LUZP2: variants seen among roughly 807,000 people sequenced by gnomAD.
The protein encoded by LUZP2 is leucine zipper protein 2.
A neutral mutation model predicts 51.6 loss-of-function variants in LUZP2; 52 were observed. The observed-to-expected ratio is 1.01, with a 90% CI of 0.81 to 1.27. LUZP2 has a LOEUF of 1.27. LUZP2 is among the 50% of genes most tolerant of loss of function. The probability of loss-of-function intolerance (pLI) is 0.00; values close to 1 mark genes in which losing one functional copy is unlikely to be tolerated. For missense variants in LUZP2, 436 were observed against 395.4 expected (o/e 1.10, Z -0.87); for synonymous variants, 154 against 137.3 (o/e 1.12, Z -0.85).
At chr11:24,784,214 A>C (rs1849174047) in intron 5 of LUZP2, among the ~76,000 whole-genome samples, 1 of 152,000 alleles carries the variant, frequency 6.6e-6, no homozygotes, top group Non-Finnish European at 1.5e-5. Flanking sequence ...AATGAAAATA[A>C]AATTTATCTT....
intron 5 of LUZP2, among the ~76,000 whole-genome samples, chr11:24,777,250 C>G (rs1335653691): frequency 6.6e-6 from 1 of 152,074 alleles, no homozygotes; most frequent in African/African-American, 2.4e-5. Context: ...GCCTCGGCCT[C>G]CCAAAGTGCT....
Position 24,622,425 on chromosome 11 carries a change from G to C in LUZP2, c.63-106744G>C, listed in dbSNP as rs372596865. ...TCACCATGTTTCCTAGGCTGATCTC[G>C]AATTTCAGAGCTCAAGCAGCCTGCT... On this transcript the variant is annotated intron_variant, in intron 1 of 11. Transcript: ENST00000336930. Among the ~76,000 whole-genome samples the C allele has an allele frequency of 1.8e-4, 27 of 152,014 alleles. No homozygotes were observed. In the South Asian group the frequency reaches 5.0e-3, roughly 28 times the overall value.
chr11:24,845,809 G>A (rs1851181499), intron 5 of LUZP2, among the ~76,000 whole-genome samples: 1 of 152,056 alleles, frequency 6.6e-6, no homozygotes, highest in Admixed American at 6.6e-5. Context: ...CTTTCACCAT[G>A]ATTGTGAGAC....
At chr11:24,801,689 T>C (rs1417287893) in intron 5 of LUZP2, among the ~76,000 whole-genome samples, 1 of 151,696 alleles carries the variant, frequency 6.6e-6, no homozygotes, top group Non-Finnish European at 1.5e-5. Flanking sequence ...ATTCTAATAG[T>C]ATTATCATTT....
chr11:24,960,779 C>T (rs1365188599), intron 7 of LUZP2, among the ~76,000 whole-genome samples: 2 of 151,874 alleles, frequency 1.3e-5, no homozygotes, highest in Non-Finnish European at 1.5e-5. Flanking sequence ...TATTTCTTGC[C>T]TTCTGCTAGC....
chr11:24,564,461 C>CA (rs1564993488), intron 1 of LUZP2, among the ~76,000 whole-genome samples: 1 of 152,028 alleles, frequency 6.6e-6, no homozygotes, highest in Admixed American at 6.6e-5. Context: ...TAAGATAATG[C>CA]AAAAATAATC....
intron 1 of LUZP2, among the ~76,000 whole-genome samples, chr11:24,662,130 A>G (rs534417790): frequency 1.3e-5 from 2 of 152,172 alleles, no homozygotes; most frequent in Non-Finnish European, 2.9e-5. Context: ...GAAAATTAGA[A>G]CAATATGTGA....
rs948498084 is a variant in LUZP2, at chr11:24,977,341, A to G, written c.597+676A>G. On this transcript the variant is annotated intron_variant, in intron 8 of 11. Coordinates refer to ENST00000336930, the MANE Select transcript of LUZP2 (RefSeq NM_001009909.4). ...AGCAGAATTATATGTATAATATTTA[A>G]CAGTTGTTTAAATACACAAAACACA... 2.6e-5 allele frequency among the ~76,000 whole-genome samples: 4 copies of G among 151,708 alleles called. No homozygotes were observed. The Admixed American group carries it at 2.6e-4, about 10-fold the overall frequency.
intron 7 of LUZP2, among the ~76,000 whole-genome samples, chr11:24,964,138 A>C (rs1423987025): frequency 6.6e-6 from 1 of 152,170 alleles, no homozygotes; most frequent in African/African-American, 2.4e-5. Context: ...GTGTGCCAGG[A>C]TTCCCTTTTC....
chr11:24,643,393 TGAGACTG>T (rs1410958713), intron 1 of LUZP2, among the ~76,000 whole-genome samples: 1 of 151,940 alleles, frequency 6.6e-6, no homozygotes, highest in East Asian at 1.9e-4. Context: ...CATGGCTGAT[TGAGACTG>T]GAGAAAGCAA....
intron 5 of LUZP2, among the ~76,000 whole-genome samples, chr11:24,783,830 G>A (rs1231514381): frequency 6.6e-6 from 1 of 151,938 alleles, no homozygotes; most frequent in African/African-American, 2.4e-5. Flanking sequence ...AGTAGTGCAT[G>A]ATACATAGTA....
At chr11:24,742,754 T>C (rs2631426) in intron 4 of LUZP2, among the ~76,000 whole-genome samples, 90,732 of 151,944 alleles carry the variant, frequency 0.6, 27,660 homozygotes, top group African/African-American at 0.71. Flanking sequence ...GGTTCTTTGT[T>C]ATGAGAGCCT....
intron 1 of LUZP2, among the ~76,000 whole-genome samples, chr11:24,707,964 G>C (rs113841285): frequency 0.11 from 16,069 of 152,062 alleles, 904 homozygotes; most frequent in South Asian, 0.14. Context: ...CCATTGGCTA[G>C]GGTTAGACCA....
intron 7 of LUZP2, among the ~76,000 whole-genome samples, chr11:24,965,495 G>C (rs1449719020): frequency 6.6e-6 from 1 of 151,476 alleles, no homozygotes; most frequent in Non-Finnish European, 1.5e-5. Context: ...TCACAAAAAG[G>C]CTGAATAAAT....
chr11:24,900,800 G>A (rs1484427672), intron 5 of LUZP2, among the ~76,000 whole-genome samples: 2 of 152,070 alleles, frequency 1.3e-5, no homozygotes, highest in African/African-American at 2.4e-5. Flanking sequence ...ATCTTTGATC[G>A]CATAGCTGCA....
At chr11:24,949,316 CT>C (rs1855005525) in intron 7 of LUZP2, among the ~76,000 whole-genome samples, 1 of 111,354 alleles carries the variant, frequency 9.0e-6, no homozygotes, top group African/African-American at 3.5e-5. Context: ...ATCTATCTAT[CT>C]ATCTATCTAT....
intron 1 of LUZP2, among the ~76,000 whole-genome samples, chr11:24,705,347 T>C (rs12791829): frequency 1.7e-4 from 26 of 151,902 alleles, no homozygotes; most frequent in African/African-American, 6.3e-4. Context: ...CTTTAATTTT[T>C]TCTCTAACAT....
rs1859394843 is a variant in LUZP2, at chr11:25,078,814, A to G, written c.*156A>G. On this transcript the variant is annotated 3_prime_UTR_variant, in exon 12 of 12. Coordinates refer to ENST00000336930, the MANE Select transcript of LUZP2 (RefSeq NM_001009909.4). ...GCCTACACATTTTCAAAGATTCCAG[A>G]CCAATTATGATCCTTAAGCAATAAC... 1 of 604,570 alleles carries G rather than the reference A, an allele frequency of 1.7e-6. No individual in the cohort carries two copies. Among genetic ancestry groups the G allele is most frequent in the South Asian group, 2.1e-5 (1 of 46,926 alleles). The allele number at this position is 604,570 out of a possible 1,614,324, so 37.5% of individuals were successfully genotyped here.
chr11:24,914,845 G>A (rs1455282460), intron 7 of LUZP2, among the ~76,000 whole-genome samples: 2 of 152,090 alleles, frequency 1.3e-5, no homozygotes, highest in Non-Finnish European at 1.5e-5. Flanking sequence ...CGCAAAGGTA[G>A]ATCATACAAG....
Sources: gnomAD v4.1 joint callset for allele counts (sites outside exome capture counted in the v4.1 genomes callset) on GRCh38, gnomAD v4.1.1 for gene constraint, MANE v1.5 for transcripts, NCBI Gene and HGNC (gene_info 2026-07-23, HGNC 2026-07-21) for gene names.